Variants in RBFOX1 observed in about 807,000 individuals in gnomAD.
RBFOX1 encodes RNA binding protein fox-1 homolog 1.
RBFOX1 carries 8 observed loss-of-function variants against 57.7 expected under a neutral mutation model. The observed-to-expected ratio is 0.14, with a 90% CI of 0.08 to 0.25. The LOEUF (loss-of-function observed/expected upper bound fraction) is 0.25. Ranked by LOEUF, RBFOX1 falls within the 10% of genes least tolerant of loss-of-function variation. RBFOX1 has a pLI of 1.00. For missense variants in RBFOX1, 611 were observed against 548.5 expected (o/e 1.11, Z -1.14); for synonymous variants, 326 against 222.4 (o/e 1.47, Z -4.15).
At chr16:6,925,949 ACTCATCG>A (rs1240695247) in intron 3 of RBFOX1, among the ~76,000 whole-genome samples, 1 of 152,016 alleles carries the variant, frequency 6.6e-6, no homozygotes, top group East Asian at 1.9e-4. Flanking sequence ...AGTAACCTAA[ACTCATCG>A]TTAAGTCTGT....
chr16:7,414,393 G>A (rs1265415205), intron 4 of RBFOX1, among the ~76,000 whole-genome samples: 5 of 152,176 alleles, frequency 3.3e-5, no homozygotes, highest in African/African-American at 1.2e-4. Flanking sequence ...AAGATTACAT[G>A]AGAGGAAAGA....
chr16:5,984,222 C>T (rs1368243980), intron 4 of RBFOX1, among the ~76,000 whole-genome samples: 1 of 133,872 alleles, frequency 7.5e-6, no homozygotes, highest in East Asian at 2.2e-4. Context: ...TTCTCTTCCT[C>T]TTCCTCCTCA....
chr16:5,760,395 C>T (rs1186536396), intron 3 of RBFOX1, among the ~76,000 whole-genome samples: 1 of 152,034 alleles, frequency 6.6e-6, no homozygotes, highest in Non-Finnish European at 1.5e-5. Flanking sequence ...CATATACATA[C>T]ACACACACAT....
At chr16:7,607,792 G>A (rs1279048666) in intron 10 of RBFOX1, among the ~76,000 whole-genome samples, 4 of 152,186 alleles carry the variant, frequency 2.6e-5, no homozygotes, top group Non-Finnish European at 4.4e-5. Flanking sequence ...GAATTGCCAA[G>A]GGAAGGCCTT....
rs187719109 is a variant in RBFOX1 at position 5,984,355 on chromosome 16, C to T, written c.351+117020C>T. On this transcript the variant is annotated intron_variant, in intron 4 of 19. Transcript: ENST00000641259. ...CAGGTAAGAAAGTCTTTGCAGTAAC[C>T]GACTTTTCTAAAGCAATGAACTACT... Among the ~76,000 whole-genome samples the T allele has an allele frequency of 1.2e-3, 174 of 151,092 alleles. 1 individual carries two copies. The highest frequency in any genetic ancestry group is 3.4e-3 in the Middle Eastern group (1 of 294).
intron 5 of RBFOX1, among the ~76,000 whole-genome samples, chr16:7,557,225 G>T (rs369974463): frequency 6.6e-6 from 1 of 152,090 alleles, no homozygotes; most frequent in Non-Finnish European, 1.5e-5. Context: ...TCCTATAGCT[G>T]AGGGCTTCAT....
At chr16:5,665,637 G>T (rs35978299) in intron 3 of RBFOX1, among the ~76,000 whole-genome samples, 16,572 of 152,200 alleles carry the variant, frequency 0.11, 1,174 homozygotes, top group East Asian at 0.24. Flanking sequence ...GCAGATAGTT[G>T]GCACTCAGTT....
At chr16:6,690,593 A>T (rs576059906) in intron 3 of RBFOX1, among the ~76,000 whole-genome samples, 13 of 152,244 alleles carry the variant, frequency 8.5e-5, no homozygotes, top group Middle Eastern at 6.8e-3. Flanking sequence ...CTTATGTATC[A>T]TTATTTAGTA....
rs145810917 is a variant in RBFOX1 at position 6,652,885 on chromosome 16, C to T, written c.-63-1718C>T. 4.1e-3 allele frequency among the ~76,000 whole-genome samples: 629 copies of T among 152,266 alleles called. 6 individuals carry two copies. Among genetic ancestry groups the T allele is most frequent in the African/African-American group, 0.014 (582 of 41,558 alleles). On this transcript the variant is annotated intron_variant, in intron 2 of 15. Transcript: ENST00000550418. The stretch of plus-strand genomic sequence containing the variant: ...TAATGCCCCAGAACTGTGCACCTAC[C>T]ATGGTAAAATTGTTAATGATATTGT...
chr16:6,242,301 A>G (rs2097543852), intron 1 of RBFOX1, among the ~76,000 whole-genome samples: 1 of 152,134 alleles, frequency 6.6e-6, no homozygotes. Context: ...ACTTAATCAA[A>G]TATCTATCAT....
intron 3 of RBFOX1, among the ~76,000 whole-genome samples, chr16:7,000,705 T>C (rs1051153494): frequency 3.3e-5 from 5 of 149,590 alleles, no homozygotes; most frequent in African/African-American, 4.9e-5. Flanking sequence ...ACCGGGTTCA[T>C]GCCATTCTCC....
chr16:6,505,154 C>G (rs2096057742), intron 2 of RBFOX1, among the ~76,000 whole-genome samples: 1 of 152,018 alleles, frequency 6.6e-6, no homozygotes, highest in Non-Finnish European at 1.5e-5. Flanking sequence ...GGGTTTCTGC[C>G]CTAGTTATGC....
intron 3 of RBFOX1, among the ~76,000 whole-genome samples, chr16:6,788,910 G>A (rs542927045): frequency 6.6e-6 from 1 of 152,244 alleles, no homozygotes; most frequent in African/African-American, 2.4e-5. Context: ...TAAGAACTCA[G>A]CGTCCCCAAG....
intron 1 of RBFOX1, chr16:5,366,166 C>A: frequency 4.7e-6 from 2 of 422,948 alleles, no homozygotes; most frequent in Non-Finnish European, 9.1e-6. Flanking sequence ...GATGCAGAGT[C>A]AGAAGACGAA....
intron 3 of RBFOX1, among the ~76,000 whole-genome samples, chr16:6,948,192 G>A (rs62017754): frequency 0.35 from 52,495 of 151,746 alleles, 9,775 homozygotes; most frequent in Non-Finnish European, 0.42. Context: ...AGCACTTTGG[G>A]AGGCTGAGGT....
chr16:5,540,348 A>G (rs1199717414), intron 2 of RBFOX1, among the ~76,000 whole-genome samples: 2 of 152,246 alleles, frequency 1.3e-5, no homozygotes, highest in Non-Finnish European at 2.9e-5. Flanking sequence ...GATTATGTAT[A>G]CTATGAAATA....
chr16:5,501,318 C>CAAAAAAAAAAAAAAAAAAAAAAAAA (rs1160788118), intron 2 of RBFOX1, among the ~76,000 whole-genome samples: 2 of 64,890 alleles, frequency 3.1e-5, no homozygotes, highest in Non-Finnish European at 6.5e-5. Context: ...ACTCTGTCTA[C>CAAAAAAAAAAAAAAAAAAAAAAAAA]AAAAAAAAAA....
intron 1 of RBFOX1, among the ~76,000 whole-genome samples, chr16:5,356,063 C>T (rs1740879839): frequency 2.6e-5 from 4 of 152,188 alleles, no homozygotes; most frequent in Admixed American, 2.6e-4. Flanking sequence ...TGCACTCCAC[C>T]CTGGGTGACA....
chr16:5,327,449 G>A (rs1224467904), intron 1 of RBFOX1, among the ~76,000 whole-genome samples: 1 of 152,202 alleles, frequency 6.6e-6, no homozygotes, highest in Non-Finnish European at 1.5e-5. Flanking sequence ...GATCAAAATC[G>A]TCTAAAACTG....
Sources: allele counts gnomAD v4.1 joint callset (sites outside exome capture counted in the v4.1 genomes callset), GRCh38; gene constraint gnomAD v4.1.1; transcripts MANE v1.5; gene names NCBI Gene and HGNC (gene_info 2026-07-23, HGNC 2026-07-21).